The following GPC3 variants were observed in gnomAD, a reference collection of about 807,000 sequenced individuals.
The protein encoded by GPC3 is glypican-3.
GPC3 carries 3 observed loss-of-function variants against 34.4 expected under a neutral mutation model. The ratio of observed to expected loss-of-function variants is 0.09; its 90% confidence interval spans 0.04 to 0.23. The LOEUF is 0.23. Ranked by LOEUF, GPC3 falls within the 10% of genes least tolerant of loss-of-function variation. The pLI, the probability that GPC3 is intolerant of heterozygous loss-of-function variation, is 1.00. For synonymous variants in GPC3, 177 were observed against 174.0 expected, an observed-to-expected ratio of 1.02 and a Z score of -0.13; for missense variants, 351 against 445.6, an observed-to-expected ratio of 0.79 and a Z score of 1.91.
intron 6 of GPC3, among the ~76,000 whole-genome samples, chrX:133,654,722 A>C (rs1032105451): frequency 3.6e-5 from 4 of 111,204 alleles, no homozygotes; most frequent in African/African-American, 1.3e-4. Flanking sequence ...AAAAAACAAA[A>C]AACAAAAAAC....
chrX:133,580,242 T>C (rs752676018), intron 7 of GPC3, among the ~76,000 whole-genome samples: 116 of 112,012 alleles, frequency 1.0e-3, no homozygotes, highest in Non-Finnish European at 1.6e-3. Context: ...CAACCTCTCC[T>C]CGAAGGAAGG....
At chrX:133,548,041 G>C (rs2069402614) in intron 7 of GPC3, among the ~76,000 whole-genome samples, 1 of 111,402 alleles carries the variant, frequency 9.0e-6, no homozygotes, top group South Asian at 3.8e-4. Context: ...TACAAAGGCT[G>C]CTACGCTGAA....
At chrX:133,849,084 CTTTTTTTTTTTTT>C (rs60339728) in intron 2 of GPC3, among the ~76,000 whole-genome samples, 4 of 46,275 alleles carry the variant, frequency 8.6e-5, no homozygotes, top group African/African-American at 2.0e-4. Flanking sequence ...ACTAAAGTTT[CTTTTTTTTTTTTT>C]TTTTTTTTTT....
chrX:133,591,654 A>T lies in GPC3; in HGVS notation c.1573+4786T>A, dbSNP rs191131429. On this transcript the variant is annotated intron_variant, in intron 7 of 7. Coordinates refer to ENST00000370818, the MANE Select transcript of GPC3 (RefSeq NM_004484.4). ...TGACTAGAATTCTTTTACACGATAA[A>T]TGTGTATGTGGACAAAGGGAAACCA... Among the ~76,000 whole-genome samples the T allele has an allele frequency of 2.8e-3, 309 of 112,086 alleles. 1 individual carries two copies. Among genetic ancestry groups the T allele is most frequent in the African/African-American group, 9.4e-3 (290 of 30,920 alleles).
At chrX:133,680,616 G>T (rs1013447546) in intron 5 of GPC3, among the ~76,000 whole-genome samples, 1 of 112,097 alleles carries the variant, frequency 8.9e-6, no homozygotes, top group Non-Finnish European at 1.9e-5. Context: ...AAAATTCATT[G>T]GCTTGAGAAA....
At chrX:133,576,803 G>A (rs931057357) in intron 7 of GPC3, among the ~76,000 whole-genome samples, 12 of 109,785 alleles carry the variant, frequency 1.1e-4, no homozygotes, top group African/African-American at 3.6e-4. Flanking sequence ...TCAAGAATAT[G>A]TTTTGTGGAG....
At chrX:133,901,131 C>T (rs910918123) in intron 2 of GPC3, among the ~76,000 whole-genome samples, 3 of 111,473 alleles carry the variant, frequency 2.7e-5, no homozygotes, top group Non-Finnish European at 5.6e-5. Flanking sequence ...AGAACCATTT[C>T]TATAATAGAT....
chrX:133,719,756 A>G (rs1452279451), intron 3 of GPC3, among the ~76,000 whole-genome samples: 3 of 112,929 alleles, frequency 2.7e-5, no homozygotes, highest in Non-Finnish European at 3.7e-5. Flanking sequence ...AGCAAAATAA[A>G]TAATCAGCAG....
chrX:133,624,610 G>C (rs1384048059), intron 6 of GPC3, among the ~76,000 whole-genome samples: 1 of 111,309 alleles, frequency 9.0e-6, no homozygotes. Context: ...ACTAAACCAG[G>C]AAGAAGTTGA....
At chrX:133,580,857 C>T (rs2069725257) in intron 7 of GPC3, among the ~76,000 whole-genome samples, 1 of 112,166 alleles carries the variant, frequency 8.9e-6, no homozygotes, top group Non-Finnish European at 1.9e-5. Context: ...TGCCTCCCTG[C>T]ACAAACAAGA....
intron 7 of GPC3, among the ~76,000 whole-genome samples, chrX:133,557,310 AAAAT>A (rs1470466303): frequency 1.8e-5 from 2 of 111,303 alleles, no homozygotes; most frequent in African/African-American, 6.5e-5. Flanking sequence ...ATAAAAAATA[AAAAT>A]AAATAAATAA....
intron 5 of GPC3, among the ~76,000 whole-genome samples, chrX:133,671,690 A>G (rs982272652): frequency 1.8e-5 from 2 of 111,592 alleles, no homozygotes; most frequent in Non-Finnish European, 3.8e-5. Context: ...TTCTTTTTTT[A>G]TTATACTTTA....
chrX:133,908,204 T>C (rs555847827), intron 2 of GPC3, among the ~76,000 whole-genome samples: 1 of 111,867 alleles, frequency 8.9e-6, no homozygotes, highest in Middle Eastern at 4.6e-3. Context: ...TCTTCTAAGT[T>C]CCTTGTTCGT....
intron 2 of GPC3, among the ~76,000 whole-genome samples, chrX:133,887,077 G>T (rs749906202): frequency 8.9e-6 from 1 of 112,244 alleles, no homozygotes; most frequent in Non-Finnish European, 1.9e-5. Context: ...CACGATCATG[G>T]CTCACTGTAG....
At chrX:133,686,988 C>T (rs890165789) in intron 5 of GPC3, among the ~76,000 whole-genome samples, 2 of 107,257 alleles carry the variant, frequency 1.9e-5, no homozygotes, top group African/African-American at 6.8e-5. Context: ...TGCAGTGGTG[C>T]GATCTCGGCT....
At chrX:133,597,781 T>C (rs1296555523) in intron 6 of GPC3, among the ~76,000 whole-genome samples, 1 of 110,855 alleles carries the variant, frequency 9.0e-6, no homozygotes, top group Non-Finnish European at 1.9e-5. Context: ...CCCAAAGAGA[T>C]TTTTGTTTTT....
rs748236389 is a variant in GPC3 at position 133,621,326 on chromosome X, C to T, written c.1414-24727G>A. 1.3e-4 allele frequency among the ~76,000 whole-genome samples: 14 copies of T among 111,676 alleles called. No individual in the cohort carries two copies. In the South Asian group the frequency reaches 2.3e-3, roughly 18 times the overall value. On this transcript the variant is annotated intron_variant, in intron 6 of 7. Coordinates refer to ENST00000370818, the MANE Select transcript of GPC3 (RefSeq NM_004484.4). ...CTTTTCGGACAGTGGTTGCAGTCCA[C>T]GGAGCGTGAGCCGAAGCAGGGCAGG... is the stretch of plus-strand genomic sequence containing the variant.
At chrX:133,744,100 C>T (rs916132828) in intron 3 of GPC3, among the ~76,000 whole-genome samples, 9 of 111,639 alleles carry the variant, frequency 8.1e-5, no homozygotes, top group Non-Finnish European at 1.7e-4. Flanking sequence ...GACATAGGCA[C>T]GGGCAAAGAC....
At chrX:133,704,232 G>T (rs1268328446) in intron 3 of GPC3, 1 of 1,098,444 alleles carries the variant, frequency 9.1e-7, no homozygotes, top group Non-Finnish European at 1.2e-6. Context: ...TACACAGGAA[G>T]AAGATAGGAT....
Sources: gnomAD v4.1 joint callset for allele counts (sites outside exome capture counted in the v4.1 genomes callset) on GRCh38, gnomAD v4.1.1 for gene constraint, MANE v1.5 for transcripts, NCBI Gene and HGNC (gene_info 2026-07-23, HGNC 2026-07-21) for gene names.